Variants in BRWD1 observed in about 807,000 individuals in gnomAD.
The protein encoded by BRWD1 is bromodomain and WD repeat domain containing 1, also known as bromodomain and WD repeat-containing protein 1.
In BRWD1, 82 loss-of-function variants were observed where a neutral mutation model predicts 251.2. The observed-to-expected ratio is 0.33, with a 90% CI of 0.27 to 0.39. The LOEUF is 0.39. Ranked by LOEUF, BRWD1 falls within the 10% of genes least tolerant of loss-of-function variation. BRWD1 has a pLI of 1.00. For missense variants in BRWD1, 2,233 were observed against 2,711.6 expected, an observed-to-expected ratio of 0.82 and a Z score of 3.92; for synonymous variants, 918 against 902.8, an observed-to-expected ratio of 1.02 and a Z score of -0.30.
At chr21:39,253,145 C>T (rs1477450791) in intron 19 of BRWD1, among the ~76,000 whole-genome samples, 1 of 151,872 alleles carries the variant, frequency 6.6e-6, no homozygotes, top group African/African-American at 2.4e-5. Flanking sequence ...CAAAATTAGC[C>T]GGGTGTGGTG....
upstream of BRWD1, among the ~76,000 whole-genome samples, chr21:39,315,516 C>A (rs372214967): frequency 1.3e-5 from 2 of 151,970 alleles, no homozygotes; most frequent in African/African-American, 4.8e-5. Context: ...CGCCTCTAGT[C>A]CCAGCTACTT....
chr21:39,218,389 A>T, intron 30 of BRWD1, 116 bp downstream of exon 30: 1 of 1,437,018 alleles, frequency 7.0e-7, no homozygotes, highest in Non-Finnish European at 9.3e-7. Context: ...AAATTAAAAG[A>T]TAACCAATAC....
chr21:39,189,724 A>G lies in BRWD1; in HGVS notation c.*6535T>C. 3.1e-6 allele frequency: 3 copies of G among 981,204 alleles called. No homozygotes were observed. The highest frequency in any genetic ancestry group is 3.6e-6 in the Non-Finnish European group (3 of 826,100). The allele number at this position is 981,204 out of a possible 1,614,324, so 60.8% of individuals were successfully genotyped here. A position where few individuals can be genotyped will look rare whatever the true frequency, so the allele number is the denominator to read the frequency against. On this transcript the variant is annotated 3_prime_UTR_variant, in exon 41 of 41. Transcript: ENST00000342449. The stretch of plus-strand genomic sequence containing the variant: ...AAGTCAGTGTTAATTTTATTACTGA[A>G]AACTGAGTAAATTATAAAGTGCTTT...
rs2031400872 is a variant in BRWD1 at position 39,188,995 on chromosome 21, T to C, written c.*7264A>G. 1.0e-5 allele frequency: 10 copies of C among 985,398 alleles called. No individual in the cohort carries two copies. Among genetic ancestry groups the C allele is most frequent in the Non-Finnish European group, 1.2e-5 (10 of 829,920 alleles). 61.0% of individuals were successfully genotyped at this position (985,398 alleles called of 1,614,324 possible). A position where few individuals can be genotyped will look rare whatever the true frequency, so the allele number is the denominator to read the frequency against. The stretch of plus-strand genomic sequence containing the variant: ...CTGTGGGAAGAGAAGTGGCTTAAAG[T>C]GCACTGTGTTTACCACTTCAAAGAC... On this transcript the variant is annotated 3_prime_UTR_variant, in exon 41 of 41. Transcript: ENST00000342449.
intron 4 of BRWD1, among the ~76,000 whole-genome samples, chr21:39,311,818 C>T (rs1266412819): frequency 6.6e-6 from 1 of 152,198 alleles, no homozygotes; most frequent in Non-Finnish European, 1.5e-5. Flanking sequence ...ATGGAAATAA[C>T]ACATCCTCTG....
intron 36 of BRWD1, among the ~76,000 whole-genome samples, chr21:39,207,394 T>C (rs578073307): frequency 7.0e-6 from 1 of 143,452 alleles, no homozygotes; most frequent in Non-Finnish European, 1.5e-5. Flanking sequence ...TCACCACTGC[T>C]CTCCAGCCTG....
At chr21:39,225,729 GA>G (rs1217279237) in intron 27 of BRWD1, among the ~76,000 whole-genome samples, 1 of 151,614 alleles carries the variant, frequency 6.6e-6, no homozygotes, top group South Asian at 2.1e-4. Context: ...TCAAAGGTTT[GA>G]AAAAAAATAA....
Position 39,272,781 on chromosome 21 carries a change from T to C in BRWD1, c.1244+1593A>G, listed in dbSNP as rs986753341. Among the ~76,000 whole-genome samples the C allele has an allele frequency of 5.3e-5, 8 of 151,932 alleles. No homozygotes were observed. The East Asian group carries it at 5.8e-4, about 11-fold the overall frequency. ...TGCCACCATATCCGGCTAATTTTTCTATTTTTTTTTAGTAGAGGCAGGGTT... is the reference window on the plus strand; with the variant it reads ...TGCCACCATATCCGGCTAATTTTTCCATTTTTTTTTAGTAGAGGCAGGGTT... On this transcript the variant is annotated intron_variant, in intron 13 of 40. Coordinates refer to ENST00000342449, the MANE Select transcript of BRWD1 (RefSeq NM_033656.4).
chr21:39,313,664 T>TGGGGAGGAAGTAGTC, upstream of BRWD1: 1 of 430,938 alleles, frequency 2.3e-6, no homozygotes, highest in Non-Finnish European at 3.9e-6. Flanking sequence ...AGGAAGTAGT[T>TGGGGAGGAAGTAGTC]CCTCCGCGGG....
intron 4 of BRWD1, among the ~76,000 whole-genome samples, chr21:39,310,534 G>A (rs1261164668): frequency 6.6e-6 from 1 of 152,182 alleles, no homozygotes; most frequent in Non-Finnish European, 1.5e-5. Context: ...GGCTGAGGCA[G>A]GAGGATCACT....
At chr21:39,255,936 T>A in intron 18 of BRWD1, 108 bp from the exon 19 acceptor site, 1 of 972,966 alleles carries the variant, frequency 1.0e-6, no homozygotes, top group Non-Finnish European at 1.5e-6. Context: ...AATAAAGAAC[T>A]AAGAGAAGAT....
At chr21:39,250,520 A>G (rs993112127) in intron 20 of BRWD1, among the ~76,000 whole-genome samples, 3 of 151,848 alleles carry the variant, frequency 2.0e-5, no homozygotes, top group African/African-American at 7.3e-5. Context: ...AAAAAAAAGA[A>G]GAACCAAATG....
At position 39,191,145 on chromosome 21, in the gene BRWD1, T is replaced by C; in HGVS notation, c.*5114A>G. 1.0e-6 allele frequency: 1 copy of C among 985,358 alleles called. No homozygotes were observed. Among genetic ancestry groups the C allele is most frequent in the Non-Finnish European group, 1.2e-6 (1 of 829,912 alleles). 61.0% of individuals were successfully genotyped at this position (985,358 alleles called of 1,614,324 possible). ...GCAGGCAGAATCAGAAGTAAATACTTGTTTTCAATCTACCCTATTACTGTA... is the reference window on the plus strand; with the variant it reads ...GCAGGCAGAATCAGAAGTAAATACTCGTTTTCAATCTACCCTATTACTGTA... On this transcript the variant is annotated 3_prime_UTR_variant, in exon 41 of 41. Coordinates refer to ENST00000342449, the MANE Select transcript of BRWD1 (RefSeq NM_033656.4).
chr21:39,198,383 C>T (rs7282029), intron 40 of BRWD1, among the ~76,000 whole-genome samples: 141,101 of 152,288 alleles, frequency 0.93, 65,719 homozygotes, highest in African/African-American at 0.97. Context: ...TTTTATTAAA[C>T]AGTCCTACCC....
chr21:39,194,071 T>G lies in BRWD1; in HGVS notation c.*2188A>C. 8 of 985,442 alleles carry G rather than the reference T, an allele frequency of 8.1e-6. No individual in the cohort carries two copies. The highest frequency in any genetic ancestry group is 9.6e-6 in the Non-Finnish European group (8 of 829,688). The allele number at this position is 985,442 out of a possible 1,614,324, so 61.0% of individuals were successfully genotyped here. On this transcript the variant is annotated 3_prime_UTR_variant, in exon 41 of 41. Transcript: ENST00000342449. Reference sequence around the variant, plus strand: ...AACCAAATCTGATTAAAAACCAAAATACCACTTCTGTATGCAAGGGTCTAA... The same window carrying G: ...AACCAAATCTGATTAAAAACCAAAAGACCACTTCTGTATGCAAGGGTCTAA...
At chr21:39,320,637 A>G (rs1042342270) in intron 1 of BRWD1, among the ~76,000 whole-genome samples, 17 of 149,652 alleles carry the variant, frequency 1.1e-4, no homozygotes, top group African/African-American at 3.2e-4. Flanking sequence ...CCAAGCCGTT[A>G]ATCTCTTTTC....
Position 39,193,777 on chromosome 21 carries a change from T to G in BRWD1, c.*2482A>C, listed in dbSNP as rs1236000315. On this transcript the variant is annotated 3_prime_UTR_variant, in exon 41 of 41. Coordinates refer to ENST00000342449, the MANE Select transcript of BRWD1 (RefSeq NM_033656.4). ...ACCTGTGCATTAAATCCCTGGGCAT[T>G]TTGCATAACGTAGAAAAAAAAGGCC... The G allele has an allele frequency of 2.0e-6, 2 of 985,386 alleles. No individual in the cohort carries two copies. The highest frequency in any genetic ancestry group is 2.4e-6 in the Non-Finnish European group (2 of 829,680). 61.0% of individuals were successfully genotyped at this position (985,386 alleles called of 1,614,324 possible).
intron 5 of BRWD1, chr21:39,297,193 A>G (rs1568966725): frequency 1.0e-6 from 1 of 985,446 alleles, no homozygotes; most frequent in Non-Finnish European, 1.2e-6. Context: ...ACTGTGCCAG[A>G]AATTAGTTTC....
chr21:39,290,394 C>T (rs761377278), intron 8 of BRWD1, among the ~76,000 whole-genome samples: 2 of 151,190 alleles, frequency 1.3e-5, no homozygotes, highest in Non-Finnish European at 2.9e-5. Flanking sequence ...GAGGCTGAGG[C>T]GCAGAAGAAC....
Sources: allele counts gnomAD v4.1 joint callset (sites outside exome capture counted in the v4.1 genomes callset), GRCh38; gene constraint gnomAD v4.1.1; transcripts MANE v1.5; gene names NCBI Gene and HGNC (gene_info 2026-07-23, HGNC 2026-07-21).